Variants in OR51E2 observed in about 807,000 individuals in gnomAD.
OR51E2 encodes the protein olfactory receptor family 51 subfamily E member 2.
Under a neutral mutation model 13.7 loss-of-function variants are expected in OR51E2, and 14 were observed. That is an observed-to-expected ratio of 1.02 (90% CI 0.68 to 1.60). The LOEUF is 1.60. Among genes scored for constraint, OR51E2 ranks in the 40% most tolerant of loss-of-function variants. OR51E2 has a pLI of 0.00. For missense variants in OR51E2, 483 were observed against 413.8 expected, an observed-to-expected ratio of 1.17 and a Z score of -1.45; for synonymous variants, 180 against 157.6, an observed-to-expected ratio of 1.14 and a Z score of -1.07.
chr11:4,695,981 A>G (rs1401761221), intron 1 of OR51E2, among the ~76,000 whole-genome samples: 1 of 152,162 alleles, frequency 6.6e-6, no homozygotes, highest in Non-Finnish European at 1.5e-5. Context: ...TAATTATGGC[A>G]TCTCCAGAGT....
intron 1 of OR51E2, among the ~76,000 whole-genome samples, chr11:4,686,493 T>C (rs1207551776): frequency 6.6e-6 from 1 of 152,108 alleles, no homozygotes; most frequent in African/African-American, 2.4e-5. Context: ...AGCAGGGACA[T>C]CACAACTAGA....
chr11:4,696,835 A>G (rs1847661678), intron 1 of OR51E2, among the ~76,000 whole-genome samples: 1 of 152,162 alleles, frequency 6.6e-6, no homozygotes, highest in Admixed American at 6.5e-5. Flanking sequence ...ACTAGACCTT[A>G]TAGTGTCATC....
chr11:4,684,321 G>A (rs1389393481), intron 1 of OR51E2, among the ~76,000 whole-genome samples: 3 of 152,110 alleles, frequency 2.0e-5, no homozygotes, highest in Non-Finnish European at 2.9e-5. Flanking sequence ...GCAGATGATT[G>A]CATCCTTTAG....
At chr11:4,696,911 G>C (rs1431542837) in intron 1 of OR51E2, among the ~76,000 whole-genome samples, 1 of 151,754 alleles carries the variant, frequency 6.6e-6, no homozygotes, top group African/African-American at 2.4e-5. Context: ...TCAGATTCTT[G>C]CTCAAACACT....
intron 1 of OR51E2, among the ~76,000 whole-genome samples, 186 bp from the exon 2 acceptor site, chr11:4,682,947 A>T (rs1412904481): frequency 6.6e-6 from 1 of 152,214 alleles, no homozygotes; most frequent in African/African-American, 2.4e-5. Flanking sequence ...TTAAATTTTT[A>T]AAAGGGAATC....
Position 4,681,705 on chromosome 11 carries a change from G to A in OR51E2, c.*44C>T, listed in dbSNP as rs759795445. Reference sequence around the variant, plus strand: ...ATAAGCTAGTGTTAGAAATAATTATGTTTATCAAGCCAATAAAGATAAGGA... The same window carrying A: ...ATAAGCTAGTGTTAGAAATAATTATATTTATCAAGCCAATAAAGATAAGGA... On this transcript the variant is annotated 3_prime_UTR_variant, in exon 2 of 2. Coordinates refer to ENST00000396950, the MANE Select transcript of OR51E2 (RefSeq NM_030774.4). 12 of 1,599,228 alleles carry A rather than the reference G, an allele frequency of 7.5e-6. No homozygotes were observed. Among genetic ancestry groups the A allele is most frequent in the Admixed American group, 1.7e-5 (1 of 59,594 alleles).
chr11:4,691,026 G>A, intron 1 of OR51E2: 2 of 456,536 alleles, frequency 4.4e-6, no homozygotes, highest in Non-Finnish European at 8.8e-6. Context: ...GCTAAGGACA[G>A]TCCTAATGAT....
rs1043832525 is a variant in OR51E2, at chr11:4,680,638, A to C, written c.*1111T>G. 6.6e-6 allele frequency: 1 copy of C among 152,618 alleles called. No individual in the cohort carries two copies. The highest frequency in any genetic ancestry group is 2.4e-5 in the African/African-American group (1 of 41,440). The allele number at this position is 152,618 out of a possible 1,614,324, so 9.5% of individuals were successfully genotyped here. ...TGATAATATAAACTTCATTTCTCTC[A>C]CTTATAATAAAGAGACACAAATGGT... On this transcript the variant is annotated 3_prime_UTR_variant, in exon 2 of 2. Transcript: ENST00000396950.
chr11:4,696,450 A>G (rs1847657827), intron 1 of OR51E2, among the ~76,000 whole-genome samples: 1 of 152,158 alleles, frequency 6.6e-6, no homozygotes, highest in Non-Finnish European at 1.5e-5. Context: ...TACTCCTGAA[A>G]TGTAAAAGAT....
At chr11:4,691,055 G>C (rs1242159821) in intron 1 of OR51E2, 5 of 456,612 alleles carry the variant, frequency 1.1e-5, no homozygotes, top group Non-Finnish European at 2.2e-5. Context: ...AAGAAAGGAG[G>C]ATGAGAAGTA....
intron 1 of OR51E2, among the ~76,000 whole-genome samples, chr11:4,693,887 T>C (rs1847619461): frequency 6.6e-6 from 1 of 152,338 alleles, no homozygotes; most frequent in African/African-American, 2.4e-5. Flanking sequence ...TTAGAGAGTT[T>C]ATAATCCAGT....
intron 1 of OR51E2, among the ~76,000 whole-genome samples, 151 bp from the exon 2 acceptor site, chr11:4,682,912 A>G (rs938580772): frequency 3.3e-5 from 5 of 152,166 alleles, no homozygotes; most frequent in African/African-American, 4.8e-5. Flanking sequence ...AAATTCATTT[A>G]TGCATCACTA....
At chr11:4,684,573 T>C (rs1019856622) in intron 1 of OR51E2, among the ~76,000 whole-genome samples, 1 of 152,200 alleles carries the variant, frequency 6.6e-6, no homozygotes, top group African/African-American at 2.4e-5. Flanking sequence ...GTATATTTAC[T>C]TTCTTAATGC....
At chr11:4,689,974 T>G (rs1847557937) in intron 1 of OR51E2, among the ~76,000 whole-genome samples, 1 of 147,998 alleles carries the variant, frequency 6.8e-6, no homozygotes, top group South Asian at 2.1e-4. Flanking sequence ...TTTATATTTA[T>G]AAATATAAAT....
At chr11:4,690,987 G>A (rs756467839) in intron 1 of OR51E2, 1 of 454,790 alleles carries the variant, frequency 2.2e-6, no homozygotes, top group Admixed American at 2.4e-5. Flanking sequence ...TGTACTGAAG[G>A]TTTCCTTCCT....
In OR51E2 at chr11:4,682,447, G is replaced by C; in HGVS notation, c.265C>G (p.Arg89Gly). The C allele has an allele frequency of 1.9e-6, 3 of 1,614,190 alleles. No homozygotes were observed. Among genetic ancestry groups the C allele is most frequent in the South Asian group, 1.1e-5 (1 of 91,076 alleles). The change falls in exon 2 of 2, where the codon CGA becomes GGA. Residue 89 changes from arginine to glycine, a missense_variant. Transcript: ENST00000396950. ...AGACAGGCCTCAAAGCTAATCTCTC[G>C]GGAATCAAACCAGAAAAGGGCAAGG... ...KILALFWFDS[R>G]EISFEACLTQ...
rs1439941638 is a variant in OR51E2 at position 4,681,505 on chromosome 11, CTTTATTG to C, written c.*237_*243del. On this transcript the variant is annotated 3_prime_UTR_variant, in exon 2 of 2. Coordinates refer to ENST00000396950, the MANE Select transcript of OR51E2 (RefSeq NM_030774.4). ...TTTCAACTTGGTTTCAATCATGTAT[CTTTATTG>C]TTTTTCTTAATGTTATAAGCATGTT... is the stretch of plus-strand genomic sequence containing the variant. 2.0e-6 allele frequency: 1 copy of C among 501,526 alleles called. No individual in the cohort carries two copies. The highest frequency in any genetic ancestry group is 3.2e-5 in the East Asian group (1 of 31,218). The allele number at this position is 501,526 out of a possible 1,614,324, so 31.1% of individuals were successfully genotyped here.
chr11:4,683,388 C>A (rs1341714162), intron 1 of OR51E2, among the ~76,000 whole-genome samples: 2 of 152,058 alleles, frequency 1.3e-5, no homozygotes, highest in Middle Eastern at 3.2e-3. Flanking sequence ...AGAAGCACAG[C>A]AATGACACTT....
intron 1 of OR51E2, chr11:4,684,969 C>A (rs990142010): frequency 2.6e-5 from 4 of 152,226 alleles, no homozygotes; most frequent in Admixed American, 6.5e-5. Flanking sequence ...CTTCTCCCTG[C>A]CCTGACTTGA....
Sources: allele counts gnomAD v4.1 joint callset (sites outside exome capture counted in the v4.1 genomes callset), GRCh38; gene constraint gnomAD v4.1.1; transcripts MANE v1.5; gene names NCBI Gene and HGNC (gene_info 2026-07-23, HGNC 2026-07-21).